Variants in FGF14 observed in about 807,000 individuals in gnomAD.
The protein encoded by FGF14 is fibroblast growth factor homologous factor 4.
In FGF14, 5 loss-of-function variants were observed where a neutral mutation model predicts 25.5. The observed-to-expected ratio is 0.20, with a 90% confidence interval of 0.10 to 0.41. FGF14 has a LOEUF of 0.41. FGF14 is among the 10% of genes least tolerant of loss of function. FGF14 has a pLI of 1.00. For synonymous variants in FGF14, 138 were observed against 118.3 expected (o/e 1.17, Z -1.08); for missense variants, 222 against 320.1 (o/e 0.69, Z 2.34).
intron 1 of FGF14, among the ~76,000 whole-genome samples, chr13:102,251,594 G>C (rs557154625): frequency 6.6e-6 from 1 of 152,212 alleles, no homozygotes; most frequent in Non-Finnish European, 1.5e-5. Flanking sequence ...CTAGAGTCCA[G>C]TAGAGATGCC....
chr13:102,047,116 A>AT (rs1338618884), intron 1 of FGF14, among the ~76,000 whole-genome samples: 1 of 152,152 alleles, frequency 6.6e-6, no homozygotes, highest in East Asian at 1.9e-4. Context: ...TAAATAGTAT[A>AT]TTTTTTCTGG....
chr13:102,075,283 A>G (rs2043313374), intron 1 of FGF14, among the ~76,000 whole-genome samples: 1 of 152,254 alleles, frequency 6.6e-6, no homozygotes, highest in Non-Finnish European at 1.5e-5. Context: ...ACTATGAACT[A>G]TCAGAAAAAG....
intron 1 of FGF14, among the ~76,000 whole-genome samples, chr13:102,165,286 A>G (rs1389993301): frequency 6.6e-6 from 1 of 151,918 alleles, no homozygotes; most frequent in Non-Finnish European, 1.5e-5. Context: ...AACTAGAAAT[A>G]CCATTTGACC....
At chr13:102,331,938 T>G (rs2056645318) in intron 1 of FGF14, among the ~76,000 whole-genome samples, 1 of 152,158 alleles carries the variant, frequency 6.6e-6, no homozygotes, top group Non-Finnish European at 1.5e-5. Context: ...CTTAATGGAA[T>G]AGAAAGGGCA....
intron 1 of FGF14, among the ~76,000 whole-genome samples, chr13:102,129,676 G>A (rs756367408): frequency 1.3e-5 from 2 of 151,972 alleles, no homozygotes; most frequent in African/African-American, 2.4e-5. Context: ...ATCACACACC[G>A]GGGCCTATTG....
At chr13:102,082,429 G>A (rs376856088) in intron 1 of FGF14, among the ~76,000 whole-genome samples, 17 of 152,186 alleles carry the variant, frequency 1.1e-4, no homozygotes, top group African/African-American at 4.1e-4. Flanking sequence ...TCTTCCCAAA[G>A]ACTAGTTCTC....
rs140296759 is a variant in FGF14 at position 102,302,125 on chromosome 13, C to T, written c.208+99346G>A. Among the ~76,000 whole-genome samples, 16 of 152,232 alleles carry T rather than the reference C, an allele frequency of 1.1e-4. No individual in the cohort carries two copies. In the East Asian group the frequency reaches 2.5e-3, roughly 24 times the overall value. ...AGTTTTTCTCCTTGAGTATTCTTTG[C>T]TTTCTTACCAGATTAAGGAGAATTC... On this transcript the variant is annotated intron_variant, in intron 1 of 4. Transcript: ENST00000376131.
At chr13:101,945,463 A>G (rs2035741348) in intron 1 of FGF14, among the ~76,000 whole-genome samples, 1 of 152,246 alleles carries the variant, frequency 6.6e-6, no homozygotes, top group African/African-American at 2.4e-5. Flanking sequence ...GAACTGTTAG[A>G]ACAGTTAGCC....
chr13:102,137,882 T>C (rs781434108), intron 1 of FGF14, among the ~76,000 whole-genome samples: 23 of 150,414 alleles, frequency 1.5e-4, no homozygotes, highest in Admixed American at 4.0e-4. Context: ...AGATAAAACA[T>C]GGTGACACAG....
At chr13:102,118,643 G>GA (rs1027284426) in intron 1 of FGF14, among the ~76,000 whole-genome samples, 1 of 151,548 alleles carries the variant, frequency 6.6e-6, no homozygotes, top group East Asian at 1.9e-4. Flanking sequence ...TGCAAGTTTG[G>GA]AAAAAAAATT....
chr13:102,161,704 A>AT (rs1429547881), intron 1 of FGF14, among the ~76,000 whole-genome samples: 11 of 149,218 alleles, frequency 7.4e-5, no homozygotes, highest in Middle Eastern at 3.4e-3. Flanking sequence ...GAAGAAGAAG[A>AT]AGAAGAAGAA....
At chr13:102,271,498 T>G (rs2053244035) in intron 1 of FGF14, among the ~76,000 whole-genome samples, 2 of 144,236 alleles carry the variant, frequency 1.4e-5, no homozygotes. Flanking sequence ...CCATCATCAA[T>G]GGAAGCTAAA....
intron 1 of FGF14, among the ~76,000 whole-genome samples, chr13:102,330,533 G>A (rs1016924872): frequency 3.3e-5 from 5 of 152,014 alleles, no homozygotes; most frequent in African/African-American, 1.2e-4. Context: ...ATAATTTTGG[G>A]ACACCTAACT....
chr13:102,036,445 C>T lies in FGF14; in HGVS notation c.209-161149G>A, dbSNP rs111431786. On this transcript the variant is annotated intron_variant, in intron 1 of 4. Transcript: ENST00000376131. Reference sequence around the variant, plus strand: ...CAAAAGGAGGGACAAAGTTTACCTCCAGCCACTCGAGGGTGCTCCTGAAAT... The same window carrying T: ...CAAAAGGAGGGACAAAGTTTACCTCTAGCCACTCGAGGGTGCTCCTGAAAT... Among the ~76,000 whole-genome samples the T allele has an allele frequency of 7.8e-4, 119 of 152,224 alleles. 1 individual carries two copies. The highest frequency in any genetic ancestry group is 2.8e-3 in the African/African-American group (117 of 41,550).
At position 101,723,041 on chromosome 13, in the gene FGF14, G is replaced by A. The variant is rs1354878375; in HGVS notation, c.608-74C>T. 2.6e-6 allele frequency: 4 copies of A among 1,554,298 alleles called. No homozygotes were observed. The African/African-American group carries it at 4.1e-5, about 16-fold the overall frequency. On this transcript the variant is annotated intron_variant, in intron 4 of 4. Transcript: ENST00000376143. ...GTGTGAGAATGGTCCATCCATACCTGCATAGACCACTGCAGTTTGCCCATT... is the reference window on the plus strand; with the variant it reads ...GTGTGAGAATGGTCCATCCATACCTACATAGACCACTGCAGTTTGCCCATT...
chr13:102,033,629 CA>C (rs2041324802), intron 1 of FGF14, among the ~76,000 whole-genome samples: 1 of 152,124 alleles, frequency 6.6e-6, no homozygotes, highest in Admixed American at 6.6e-5. Flanking sequence ...GTTCTCAGGA[CA>C]AGATCTGAGC....
chr13:101,766,193 G>T (rs140557266), intron 3 of FGF14, among the ~76,000 whole-genome samples: 105 of 152,322 alleles, frequency 6.9e-4, no homozygotes, highest in Middle Eastern at 3.4e-3. Flanking sequence ...GATATTTGAT[G>T]TGAGTATGAA....
At chr13:101,992,882 GAAGA>G (rs748400671) in intron 1 of FGF14, among the ~76,000 whole-genome samples, 43 of 152,040 alleles carry the variant, frequency 2.8e-4, no homozygotes, top group Non-Finnish European at 4.7e-4. Context: ...AGCAAAAGGA[GAAGA>G]AAGAGAGAAA....
At chr13:102,268,561 TAG>T (rs1175628005) in intron 1 of FGF14, among the ~76,000 whole-genome samples, 3 of 152,036 alleles carry the variant, frequency 2.0e-5, no homozygotes, top group Non-Finnish European at 4.4e-5. Flanking sequence ...AAAATCTCAA[TAG>T]AGTTTCTAAT....
Sources: gnomAD v4.1 joint callset for allele counts (sites outside exome capture counted in the v4.1 genomes callset) on GRCh38, gnomAD v4.1.1 for gene constraint, MANE v1.5 for transcripts, NCBI Gene and HGNC (gene_info 2026-07-23, HGNC 2026-07-21) for gene names.